Variants in CADM2 observed in about 807,000 individuals in gnomAD.
CADM2 encodes the protein cell adhesion molecule 2, also known as immunoglobulin superfamily member 4D.
A neutral mutation model predicts 49.8 loss-of-function variants in CADM2; 12 were observed. The ratio of observed to expected loss-of-function variants is 0.24; its 90% confidence interval spans 0.15 to 0.39. The LOEUF (loss-of-function observed/expected upper bound fraction) is 0.39, where lower values mean the gene tolerates loss of function less well. CADM2 is among the 10% of genes least tolerant of loss of function. The pLI is 1.00. For synonymous variants in CADM2, 214 were observed against 175.4 expected, an observed-to-expected ratio of 1.22 and a Z score of -1.74; for missense variants, 378 against 492.3, an observed-to-expected ratio of 0.77 and a Z score of 2.20.
Position 85,440,007 on chromosome 3 carries a change from G to T in CADM2, c.62-286515G>T, listed in dbSNP as rs148176892. On this transcript the variant is annotated intron_variant, in intron 1 of 9. Transcript: ENST00000383699. ...TCTTCCTAACAATATTCCATTAGGAGAATTGCATACATGCAATATATTTTA... is the reference window on the plus strand; with the variant it reads ...TCTTCCTAACAATATTCCATTAGGATAATTGCATACATGCAATATATTTTA... Among the ~76,000 whole-genome samples the T allele has an allele frequency of 4.9e-3, 750 of 152,214 alleles. 6 individuals are homozygous for T. The highest frequency in any genetic ancestry group is 7.4e-3 in the Non-Finnish European group (502 of 68,010).
At chr3:85,819,521 G>A (rs17355368) in intron 3 of CADM2, among the ~76,000 whole-genome samples, 21,966 of 152,132 alleles carry the variant, frequency 0.14, 2,014 homozygotes, top group Non-Finnish European at 0.2. Context: ...GCAATTTTTA[G>A]TCTAATTTTG....
chr3:85,048,781 A>G (rs2035764000), intron 1 of CADM2, among the ~76,000 whole-genome samples: 1 of 152,166 alleles, frequency 6.6e-6, no homozygotes, highest in Non-Finnish European at 1.5e-5. Context: ...TTGCTATTCC[A>G]TGAAACATAA....
At chr3:85,875,556 T>C (rs1409810072) in intron 3 of CADM2, among the ~76,000 whole-genome samples, 6 of 152,138 alleles carry the variant, frequency 3.9e-5, no homozygotes, top group Non-Finnish European at 5.9e-5. Flanking sequence ...ATTATTCTAG[T>C]ATGTAAAAAA....
At chr3:85,189,906 AAG>A (rs897676260) in intron 1 of CADM2, among the ~76,000 whole-genome samples, 7 of 150,346 alleles carry the variant, frequency 4.7e-5, no homozygotes, top group African/African-American at 1.7e-4. Flanking sequence ...CTTTCCATGT[AAG>A]AGTCTCCATA....
chr3:85,168,942 G>T (rs921850198), intron 1 of CADM2, among the ~76,000 whole-genome samples: 8 of 151,262 alleles, frequency 5.3e-5, no homozygotes, highest in Non-Finnish European at 7.4e-5. Context: ...ATTTAGTAAA[G>T]ATTTATTTAT....
intron 8 of CADM2, among the ~76,000 whole-genome samples, chr3:85,964,600 T>C (rs1047750367): frequency 6.6e-6 from 1 of 151,852 alleles, no homozygotes; most frequent in Non-Finnish European, 1.5e-5. Flanking sequence ...TTTAAAATTT[T>C]CAGCATTAGG....
chr3:85,042,214 C>T (rs890112949), intron 1 of CADM2, among the ~76,000 whole-genome samples: 2 of 152,090 alleles, frequency 1.3e-5, no homozygotes, highest in African/African-American at 2.4e-5. Flanking sequence ...GGAGAGTGAG[C>T]GCCCATTAAT....
intron 1 of CADM2, among the ~76,000 whole-genome samples, chr3:85,131,014 C>A (rs1359998847): frequency 6.6e-6 from 1 of 152,052 alleles, no homozygotes; most frequent in Non-Finnish European, 1.5e-5. Flanking sequence ...GAAACTCCGT[C>A]TCTACTAAAA....
At chr3:85,639,956 T>C (rs1269848119) in intron 1 of CADM2, among the ~76,000 whole-genome samples, 1 of 152,222 alleles carries the variant, frequency 6.6e-6, no homozygotes, top group Non-Finnish European at 1.5e-5. Context: ...TGACATACAA[T>C]AGAAATGTGA....
At chr3:85,868,093 C>T (rs2075789669) in intron 3 of CADM2, among the ~76,000 whole-genome samples, 1 of 151,900 alleles carries the variant, frequency 6.6e-6, no homozygotes, top group Non-Finnish European at 1.5e-5. Context: ...ATGTAATTAA[C>T]TTAGCTGATA....
chr3:85,583,387 C>CT (rs1257490318), intron 1 of CADM2, among the ~76,000 whole-genome samples: 2 of 151,982 alleles, frequency 1.3e-5, no homozygotes, highest in Admixed American at 6.6e-5. Context: ...AAGTTGAGGA[C>CT]TTTTTTTCTG....
chr3:85,491,947 CA>C (rs11392788), intron 1 of CADM2, among the ~76,000 whole-genome samples: 78 of 134,576 alleles, frequency 5.8e-4, no homozygotes, highest in Middle Eastern at 3.9e-3. Flanking sequence ...GAGACTGTCT[CA>C]AAAAAAAAAA....
intron 1 of CADM2, among the ~76,000 whole-genome samples, chr3:85,052,667 C>CT (rs2035927363): frequency 6.6e-6 from 1 of 151,966 alleles, no homozygotes; most frequent in African/African-American, 2.4e-5. Flanking sequence ...GCAGTTTGCC[C>CT]TTGGAGTAAA....
intron 1 of CADM2, among the ~76,000 whole-genome samples, chr3:85,213,943 T>C (rs2041864124): frequency 6.6e-6 from 1 of 152,170 alleles, no homozygotes; most frequent in Non-Finnish European, 1.5e-5. Context: ...ATTTGTTAAA[T>C]TTATCTGATA....
intron 1 of CADM2, among the ~76,000 whole-genome samples, chr3:84,987,157 G>A (rs1462922696): frequency 1.3e-5 from 2 of 152,010 alleles, no homozygotes; most frequent in African/African-American, 2.4e-5. Context: ...CCAGGTTGTG[G>A]CTATGAGTAT....
intron 1 of CADM2, among the ~76,000 whole-genome samples, chr3:85,558,878 A>G (rs1301441194): frequency 4.6e-5 from 7 of 152,080 alleles, no homozygotes; most frequent in African/African-American, 1.7e-4. Context: ...AATTTTATCA[A>G]AATAAACCAG....
At chr3:85,043,921 C>G (rs1271342623) in intron 1 of CADM2, among the ~76,000 whole-genome samples, 3 of 152,052 alleles carry the variant, frequency 2.0e-5, no homozygotes, top group African/African-American at 7.2e-5. Flanking sequence ...AAAAAAGCTC[C>G]TATCATAAAT....
intron 1 of CADM2, among the ~76,000 whole-genome samples, chr3:85,342,528 G>C (rs2029986283): frequency 6.6e-6 from 1 of 152,062 alleles, no homozygotes; most frequent in East Asian, 1.9e-4. Context: ...ATGTGGCAGA[G>C]GGCTGACAAA....
At chr3:85,808,058 G>A (rs1446609271) in intron 3 of CADM2, among the ~76,000 whole-genome samples, 5 of 152,110 alleles carry the variant, frequency 3.3e-5, no homozygotes, top group South Asian at 2.1e-4. Flanking sequence ...GTATTTTAAC[G>A]AGTTCCCTGT....
Sources: gnomAD v4.1 joint callset for allele counts (sites outside exome capture counted in the v4.1 genomes callset) on GRCh38, gnomAD v4.1.1 for gene constraint, MANE v1.5 for transcripts, NCBI Gene and HGNC (gene_info 2026-07-23, HGNC 2026-07-21) for gene names.